Variants in SLC71A1 observed in about 807,000 individuals in gnomAD.
SLC71A1 encodes hippocampus abundant gene transcript 1.
the SLC71A1 span, chr1:100,050,013 T>C: frequency 7.0e-7 from 1 of 1,427,608 alleles, no homozygotes; most frequent in East Asian, 2.3e-5. Flanking sequence ...TGGTAAGTAA[T>C]CTTTTAAATT....
the SLC71A1 span, among the ~76,000 whole-genome samples, chr1:100,048,979 C>A: frequency 2.6e-5 from 4 of 152,218 alleles, no homozygotes; most frequent in African/African-American, 9.7e-5. Flanking sequence ...CGCTATTTAT[C>A]AAGCTCCTCC....
chr1:100,080,526 G>A, the SLC71A1 span: 4 of 1,613,580 alleles, frequency 2.5e-6, no homozygotes, highest in African/African-American at 1.3e-5. Flanking sequence ...ACAGGAATTC[G>A]AGGATTATGC....
the SLC71A1 span, chr1:100,058,791 G>A: frequency 8.5e-6 from 7 of 825,536 alleles, no homozygotes; most frequent in Non-Finnish European, 1.4e-5. Flanking sequence ...GCACACGGAT[G>A]AACATACATA....
chr1:100,047,516 G>A, the SLC71A1 span, among the ~76,000 whole-genome samples: 7 of 152,154 alleles, frequency 4.6e-5, no homozygotes, highest in East Asian at 3.9e-4. Flanking sequence ...TCCGCCTCCC[G>A]CGTTCAAGCG....
chr1:100,077,108 T>G, the SLC71A1 span: 6 of 830,712 alleles, frequency 7.2e-6, no homozygotes, highest in East Asian at 1.0e-4. Context: ...TAGTGTAGAT[T>G]GAAAGAAGTC....
chr1:100,073,065 A>T, the SLC71A1 span, among the ~76,000 whole-genome samples: 38,073 of 151,984 alleles, frequency 0.25, 7,423 homozygotes, highest in African/African-American at 0.55. Flanking sequence ...CACCACCGCC[A>T]GGTTTTGGGG....
the SLC71A1 span, among the ~76,000 whole-genome samples, chr1:100,047,357 T>C: frequency 2.0e-5 from 3 of 152,258 alleles, no homozygotes; most frequent in African/African-American, 7.2e-5. Context: ...CCTTGATAGA[T>C]TTATGTATGT....
chr1:100,068,403 C>T, the SLC71A1 span: 14 of 1,089,828 alleles, frequency 1.3e-5, no homozygotes, highest in South Asian at 8.1e-5. Flanking sequence ...GGAATCTCTG[C>T]GTATTCTTAA....
chr1:100,080,102 C>T, the SLC71A1 span: 1 of 153,630 alleles, frequency 6.5e-6, no homozygotes, highest in African/African-American at 2.5e-5. Flanking sequence ...CGCCAGTTGA[C>T]CCCCCCACTT....
chr1:100,082,555 A>G, the SLC71A1 span: 1 of 246,016 alleles, frequency 4.1e-6, no homozygotes, highest in Non-Finnish European at 8.1e-6. Context: ...CTTTAACTCT[A>G]TGCTGACTCA....
chr1:100,048,189 A>AT, the SLC71A1 span, among the ~76,000 whole-genome samples: 6,516 of 139,616 alleles, frequency 0.047, 456 homozygotes, highest in African/African-American at 0.15. Flanking sequence ...TTTGTGGCCA[A>AT]TTTTTTTTTT....
At chr1:100,055,764 G>GT in the SLC71A1 span, among the ~76,000 whole-genome samples, 74 of 151,740 alleles carry the variant, frequency 4.9e-4, 1 homozygote, top group Middle Eastern at 3.4e-3. Context: ...TTTGTTTTTT[G>GT]TTTTTTTGAG....
the SLC71A1 span, chr1:100,061,952 A>G: frequency 1.1e-5 from 16 of 1,506,402 alleles, no homozygotes; most frequent in South Asian, 1.6e-4. Flanking sequence ...ATGGACTGGT[A>G]TGTATGTTTA....
the SLC71A1 span, among the ~76,000 whole-genome samples, chr1:100,057,321 A>T: frequency 1.3e-5 from 2 of 149,806 alleles, no homozygotes; most frequent in Non-Finnish European, 3.0e-5. Flanking sequence ...TCATTTACAT[A>T]CAGTCTGCGA....
the SLC71A1 span, among the ~76,000 whole-genome samples, chr1:100,046,926 G>C: frequency 1.3e-5 from 2 of 152,182 alleles, no homozygotes; most frequent in South Asian, 2.1e-4. Flanking sequence ...TGCAACTTCA[G>C]TGAATTTGCT....
chr1:100,052,751 A>G, the SLC71A1 span, among the ~76,000 whole-genome samples: 2 of 148,074 alleles, frequency 1.4e-5, no homozygotes, highest in Admixed American at 1.3e-4. Context: ...ATTATCTTTA[A>G]TTTTTGTTTT....
chr1:100,072,369 T>TC, the SLC71A1 span, among the ~76,000 whole-genome samples: 1 of 152,114 alleles, frequency 6.6e-6, no homozygotes, highest in Non-Finnish European at 1.5e-5. Context: ...CTTTTCTGGG[T>TC]CCCCATGCTC....
the SLC71A1 span, among the ~76,000 whole-genome samples, chr1:100,071,289 C>CAAAAAAAAAAAAAAA: frequency 2.1e-3 from 112 of 53,388 alleles, no homozygotes; most frequent in South Asian, 2.8e-3. Flanking sequence ...CCATCTCTAC[C>CAAAAAAAAAAAAAAA]AAAAAAAAAA....
chr1:100,070,206 G>A, the SLC71A1 span, among the ~76,000 whole-genome samples: 5 of 152,186 alleles, frequency 3.3e-5, no homozygotes, highest in African/African-American at 1.2e-4. Context: ...GGGCATGGTT[G>A]AGAAGACCTT....
Sources: allele counts gnomAD v4.1 joint callset (sites outside exome capture counted in the v4.1 genomes callset), GRCh38; gene constraint gnomAD v4.1.1; transcripts MANE v1.5; gene names NCBI Gene and HGNC (gene_info 2026-07-23, HGNC 2026-07-21).